ZNF608: variants seen among roughly 807,000 people sequenced by gnomAD.
ZNF608 encodes zinc finger protein 608.
ZNF608 carries 12 observed loss-of-function variants against 109.0 expected under a neutral mutation model. The observed-to-expected ratio is 0.11, with a 90% CI of 0.07 to 0.18. ZNF608 has a LOEUF of 0.18. Ranked by LOEUF, ZNF608 falls within the 10% of genes least tolerant of loss-of-function variation. The pLI is 1.00. For missense variants in ZNF608, 1,707 were observed against 1,879.3 expected (o/e 0.91, Z 1.70); for synonymous variants, 732 against 717.4 (o/e 1.02, Z -0.33).
intron 3 of ZNF608, among the ~76,000 whole-genome samples, chr5:124,673,391 G>C (rs1261210852): frequency 1.3e-5 from 2 of 152,126 alleles, no homozygotes; most frequent in African/African-American, 4.8e-5. Context: ...GGTGGATTAA[G>C]CAGTTTGTAC....
At chr5:124,677,369 G>A (rs754002515) in intron 3 of ZNF608, among the ~76,000 whole-genome samples, 58 of 152,182 alleles carry the variant, frequency 3.8e-4, no homozygotes, top group South Asian at 6.2e-4. Context: ...AAACTGGAGC[G>A]AGAACTCTCC....
chr5:124,678,738 T>C (rs1752070938), intron 3 of ZNF608, among the ~76,000 whole-genome samples: 1 of 152,164 alleles, frequency 6.6e-6, no homozygotes, highest in South Asian at 2.1e-4. Flanking sequence ...GCCAAAAGCT[T>C]TCCCTCTGAT....
chr5:124,670,219 T>C (rs1234891620), intron 3 of ZNF608, among the ~76,000 whole-genome samples: 1 of 152,090 alleles, frequency 6.6e-6, no homozygotes, highest in South Asian at 2.1e-4. Flanking sequence ...TTCACAGAGA[T>C]AGAGGGGAAT....
At chr5:124,639,256 G>A (rs1561525891) in intron 8 of ZNF608, 42 bp from the exon 9 acceptor site, 4 of 1,575,688 alleles carry the variant, frequency 2.5e-6, no homozygotes, top group Non-Finnish European at 2.6e-6. Context: ...TCTTTAGAAG[G>A]ATAAGAGTAG....
At chr5:124,726,209 C>T (rs189237181) in intron 2 of ZNF608, among the ~76,000 whole-genome samples, 52 of 152,204 alleles carry the variant, frequency 3.4e-4, no homozygotes, top group African/African-American at 1.1e-3. Flanking sequence ...ATGGACACGG[C>T]GCTGGCTCCT....
At chr5:124,643,417 T>G in intron 7 of ZNF608, 94 bp downstream of exon 7, 3 of 1,241,614 alleles carry the variant, frequency 2.4e-6, no homozygotes, top group Non-Finnish European at 3.4e-6. Context: ...ACAGCTGGGT[T>G]CCGAAACCAT....
chr5:124,713,423 T>C (rs1753576850), intron 2 of ZNF608, among the ~76,000 whole-genome samples: 1 of 152,246 alleles, frequency 6.6e-6, no homozygotes, highest in Non-Finnish European at 1.5e-5. Flanking sequence ...AGATGAATTT[T>C]TGCAGTCAAT....
In ZNF608 at chr5:124,662,827, A is replaced by G. The variant is rs913467604; in HGVS notation, c.1163-13130T>C. Among the ~76,000 whole-genome samples, 5 of 152,202 alleles carry G rather than the reference A, an allele frequency of 3.3e-5. No individual in the cohort carries two copies. The East Asian group carries it at 5.8e-4, about 18-fold the overall frequency. The stretch of plus-strand genomic sequence containing the variant: ...CAGACACACAGACACACACACACAC[A>G]CAGACACACACACTTCTGGACAAAA... On this transcript the variant is annotated intron_variant, in intron 3 of 9. Transcript: ENST00000513986.
intron 2 of ZNF608, among the ~76,000 whole-genome samples, chr5:124,701,993 C>T (rs964709390): frequency 3.3e-5 from 5 of 152,202 alleles, no homozygotes; most frequent in African/African-American, 7.2e-5. Context: ...TTGATTAAGG[C>T]TCAGTCACCA....
intron 3 of ZNF608, among the ~76,000 whole-genome samples, chr5:124,681,631 C>A (rs1403442894): frequency 6.6e-6 from 1 of 152,070 alleles, no homozygotes; most frequent in East Asian, 1.9e-4. Context: ...ACTGTTAAGT[C>A]CCACCTATTT....
chr5:124,674,798 A>G (rs1751870044), intron 3 of ZNF608, among the ~76,000 whole-genome samples: 1 of 152,080 alleles, frequency 6.6e-6, no homozygotes, highest in South Asian at 2.1e-4. Context: ...CTATTATTGT[A>G]GAGATAGGAT....
intron 3 of ZNF608, among the ~76,000 whole-genome samples, chr5:124,655,225 A>T (rs917721206): frequency 6.6e-6 from 1 of 152,198 alleles, no homozygotes; most frequent in Non-Finnish European, 1.5e-5. Flanking sequence ...AGATGTTATA[A>T]ATGTGGTTTA....
Position 124,694,318 on chromosome 5 carries a change from C to A in ZNF608, c.1162+6696G>T, listed in dbSNP as rs1752754700. Among the ~76,000 whole-genome samples the A allele has an allele frequency of 2.0e-5, 3 of 151,154 alleles. No homozygotes were observed. In the South Asian group the frequency reaches 6.3e-4, roughly 32 times the overall value. On this transcript the variant is annotated intron_variant, in intron 3 of 9. Transcript: ENST00000513986. ...CTCATTAATCTTAAAATGAAAATAC[C>A]CTGATGAGTTTTGTTGTTTATTATG...
chr5:124,714,193 T>C (rs776306353), intron 2 of ZNF608, among the ~76,000 whole-genome samples: 4 of 152,170 alleles, frequency 2.6e-5, no homozygotes, highest in East Asian at 1.9e-4. Flanking sequence ...GAAACAACCA[T>C]CCTATGTAAT....
chr5:124,665,036 T>A (rs1369772195), intron 3 of ZNF608, among the ~76,000 whole-genome samples: 2 of 151,872 alleles, frequency 1.3e-5, no homozygotes, highest in Non-Finnish European at 2.9e-5. Flanking sequence ...TTAGCTGGGC[T>A]TGGTGGTGGG....
chr5:124,700,619 A>G (rs1753014277), intron 3 of ZNF608, among the ~76,000 whole-genome samples: 1 of 152,256 alleles, frequency 6.6e-6, no homozygotes, highest in Non-Finnish European at 1.5e-5. Context: ...GAAAGTAAAT[A>G]TAAGCCTCTA....
At chr5:124,711,977 G>A (rs1226261522) in intron 2 of ZNF608, among the ~76,000 whole-genome samples, 2 of 152,226 alleles carry the variant, frequency 1.3e-5, no homozygotes, top group East Asian at 3.9e-4. Flanking sequence ...ACTGGAGGAA[G>A]GAAGACAAGA....
At chr5:124,738,331 G>A (rs1393255174) in intron 2 of ZNF608, among the ~76,000 whole-genome samples, 1 of 152,188 alleles carries the variant, frequency 6.6e-6, no homozygotes, top group Non-Finnish European at 1.5e-5. Flanking sequence ...TATTTCCTTA[G>A]TTCTGACTTC....
intron 3 of ZNF608, among the ~76,000 whole-genome samples, chr5:124,650,700 C>A (rs1008741121): frequency 2.6e-5 from 4 of 152,180 alleles, no homozygotes; most frequent in African/African-American, 9.6e-5. Flanking sequence ...TTGAGACATA[C>A]ATAAATTATT....
Sources: allele counts gnomAD v4.1 joint callset (sites outside exome capture counted in the v4.1 genomes callset), GRCh38; gene constraint gnomAD v4.1.1; transcripts MANE v1.5; gene names NCBI Gene and HGNC (gene_info 2026-07-23, HGNC 2026-07-21).